Variants in TRAPPC12 observed in about 807,000 individuals in gnomAD.
The protein encoded by TRAPPC12 is TPR repeat protein 15.
In TRAPPC12, 61 loss-of-function variants were observed where a neutral mutation model predicts 69.2. That is an observed-to-expected ratio of 0.88 (90% CI 0.72 to 1.09). TRAPPC12 has a LOEUF of 1.09. Ranked by LOEUF, TRAPPC12 falls within the 50% of genes least tolerant of loss-of-function variation. The pLI is 0.00. For synonymous variants in TRAPPC12, 469 were observed against 438.9 expected, an observed-to-expected ratio of 1.07 and a Z score of -0.86; for missense variants, 1,101 against 1,016.4, an observed-to-expected ratio of 1.08 and a Z score of -1.13.
At chr2:3,465,084 C>CG (rs112835831) in intron 8 of TRAPPC12, among the ~76,000 whole-genome samples, 9,139 of 152,324 alleles carry the variant, frequency 0.06, 397 homozygotes, top group Admixed American at 0.12. Flanking sequence ...CGACCTCCAT[C>CG]ACATACTCAG....
chr2:3,415,537 G>A (rs1289107000), intron 3 of TRAPPC12, among the ~76,000 whole-genome samples: 1 of 151,228 alleles, frequency 6.6e-6, no homozygotes. Flanking sequence ...CCAAGTAGCT[G>A]GGATTACAGG....
At chr2:3,383,139 G>C (rs888994842) in intron 1 of TRAPPC12, among the ~76,000 whole-genome samples, 1 of 151,988 alleles carries the variant, frequency 6.6e-6, no homozygotes, top group Non-Finnish European at 1.5e-5. Flanking sequence ...GGATCATTTA[G>C]TGTGCTTTTA....
At chr2:3,445,609 T>C (rs1287179037) in intron 6 of TRAPPC12, among the ~76,000 whole-genome samples, 2 of 152,218 alleles carry the variant, frequency 1.3e-5, no homozygotes, top group African/African-American at 2.4e-5. Context: ...CACAACCCTA[T>C]GAAGGAGATG....
At chr2:3,435,386 TTTAAAATG>T (rs1252393114) in intron 5 of TRAPPC12, among the ~76,000 whole-genome samples, 3 of 152,222 alleles carry the variant, frequency 2.0e-5, no homozygotes, top group African/African-American at 7.2e-5. Context: ...CATTAACATT[TTTAAAATG>T]TTAAAATTTA....
At chr2:3,464,683 C>T (rs537484573) in intron 8 of TRAPPC12, among the ~76,000 whole-genome samples, 10 of 152,320 alleles carry the variant, frequency 6.6e-5, no homozygotes, top group South Asian at 6.2e-4. Context: ...GGAGAGAGCC[C>T]GGGTTTGCTG....
At chr2:3,416,649 G>A (rs1398425811) in intron 3 of TRAPPC12, among the ~76,000 whole-genome samples, 1 of 27,114 alleles carries the variant, frequency 3.7e-5, no homozygotes, top group Admixed American at 3.6e-4. Context: ...CCCCTTCACT[G>A]TGCCCTCCCC....
At chr2:3,381,044 T>C (rs1449326465) in intron 1 of TRAPPC12, among the ~76,000 whole-genome samples, 1 of 152,160 alleles carries the variant, frequency 6.6e-6, no homozygotes, top group Non-Finnish European at 1.5e-5. Flanking sequence ...GAAAAGAGTA[T>C]TGGCAGAAAG....
At chr2:3,389,596 C>A in intron 2 of TRAPPC12, 1 of 457,060 alleles carries the variant, frequency 2.2e-6, no homozygotes, top group Non-Finnish European at 4.6e-6. Context: ...GCCGGACTAA[C>A]GGGCATCTTA....
At chr2:3,464,515 G>A (rs1364715832) in intron 8 of TRAPPC12, among the ~76,000 whole-genome samples, 1 of 152,180 alleles carries the variant, frequency 6.6e-6, no homozygotes, top group Non-Finnish European at 1.5e-5. Flanking sequence ...AGTACCTCTG[G>A]GATTATACGA....
chr2:3,466,061 C>A (rs1665795727), intron 9 of TRAPPC12, among the ~76,000 whole-genome samples: 1 of 152,196 alleles, frequency 6.6e-6, no homozygotes, highest in Non-Finnish European at 1.5e-5. Flanking sequence ...CTGAAATAAC[C>A]CTTGAATCAT....
chr2:3,435,979 A>G (rs989383002), intron 5 of TRAPPC12, among the ~76,000 whole-genome samples: 2 of 152,226 alleles, frequency 1.3e-5, no homozygotes. Context: ...CCTTTGAGTT[A>G]GCGAATTTTA....
At position 3,465,534 on chromosome 2, in the gene TRAPPC12, A is replaced by G. The variant is rs546329232; in HGVS notation, c.1678-63A>G. On this transcript the variant is annotated intron_variant, in intron 8 of 11. Transcript: ENST00000324266. ...CGTCTGTATACACTTGTGCTCTTCT[A>G]CACGTGTGAAACCCACAGTGCTGTT... The G allele has an allele frequency of 6.2e-6, 7 of 1,128,292 alleles. No individual in the cohort carries two copies. The South Asian group carries it at 7.4e-5, about 12-fold the overall frequency. The allele number at this position is 1,128,292 out of a possible 1,614,324, so 69.9% of individuals were successfully genotyped here. A position where few individuals can be genotyped will look rare whatever the true frequency, so the allele number is the denominator to read the frequency against.
intron 5 of TRAPPC12, among the ~76,000 whole-genome samples, chr2:3,435,026 T>C (rs910519089): frequency 6.6e-6 from 1 of 152,200 alleles, no homozygotes; most frequent in Non-Finnish European, 1.5e-5. Flanking sequence ...TATGTTCTTC[T>C]TTTTGAGATG....
chr2:3,391,145 G>A (rs746988394), intron 2 of TRAPPC12, among the ~76,000 whole-genome samples: 21 of 152,222 alleles, frequency 1.4e-4, no homozygotes, highest in Non-Finnish European at 2.6e-4. Context: ...CAAATTGTGG[G>A]ACAGGATTAG....
chr2:3,470,247 T>C (rs114923630), intron 9 of TRAPPC12, among the ~76,000 whole-genome samples: 1 of 152,218 alleles, frequency 6.6e-6, no homozygotes, highest in Non-Finnish European at 1.5e-5. Context: ...AAGCAGAGCT[T>C]CTCTGCGGAG....
Position 3,424,591 on chromosome 2 carries a change from G to T in TRAPPC12, c.1345G>T (p.Glu449Ter), listed in dbSNP as rs753347351. Residue 449 changes from glutamate to a stop codon, truncating the protein, a stop_gained, in exon 5 of 12, where the codon GAA (glutamate) becomes TAA (stop). Coordinates refer to ENST00000324266, the MANE Select transcript of TRAPPC12 (RefSeq NM_016030.6). LOFTEE classifies it high-confidence loss of function. ...GLFQNAEMEFEPFGNLDQPDL... is the reference protein window; with the variant it reads ...GLFQNAEMEF The stretch of plus-strand genomic sequence containing the variant: ...TTTCCAGAATGCTGAGATGGAATTT[G>T]AACCCTTCGGAAATCTTGATCAGCC... 1 of 1,614,092 alleles carries T rather than the reference G, an allele frequency of 6.2e-7. No individual in the cohort carries two copies. Among genetic ancestry groups the T allele is most frequent in the Admixed American group, 1.7e-5 (1 of 59,988 alleles).
chr2:3,396,171 TC>T (rs1426457929), intron 2 of TRAPPC12, among the ~76,000 whole-genome samples: 1 of 152,124 alleles, frequency 6.6e-6, no homozygotes, highest in Non-Finnish European at 1.5e-5. Flanking sequence ...AGCCTCATCT[TC>T]GTTATTAAAG....
At chr2:3,391,706 G>A (rs1235797494) in intron 2 of TRAPPC12, among the ~76,000 whole-genome samples, 1 of 152,168 alleles carries the variant, frequency 6.6e-6, no homozygotes, top group African/African-American at 2.4e-5. Context: ...GATGTCAGGG[G>A]TATTTGGATG....
chr2:3,478,912 G>A lies in TRAPPC12; in HGVS notation c.1944G>A (p.Arg648=). The change falls in exon 11 of 12, where the codon AGG becomes AGA. Residue 648 remains arginine (R), a synonymous_variant. Transcript: ENST00000324266. ...ACAGGTTCTTCACAGAGATCTTAAG[G>A]ATGGATCCAAGAAACGCAGTGGTAA... ...EAHRFFTEIL[R]MDPRNAVANN... The A allele has an allele frequency of 6.2e-7, 1 of 1,614,172 alleles. No individual in the cohort carries two copies. The highest frequency in any genetic ancestry group is 8.5e-7 in the Non-Finnish European group (1 of 1,180,050).
Sources: allele counts gnomAD v4.1 joint callset (sites outside exome capture counted in the v4.1 genomes callset), GRCh38; gene constraint gnomAD v4.1.1; transcripts MANE v1.5; gene names NCBI Gene and HGNC (gene_info 2026-07-23, HGNC 2026-07-21).